Variants in MACROH2A1 observed in about 807,000 individuals in gnomAD.
MACROH2A1 encodes the protein core histone macro-H2A.1.
In MACROH2A1, 2 loss-of-function variants were observed where a neutral mutation model predicts 31.6. The ratio of observed to expected loss-of-function variants is 0.06; its 90% CI spans 0.03 to 0.20. The LOEUF (loss-of-function observed/expected upper bound fraction) is 0.20. Among genes scored for constraint, MACROH2A1 ranks in the 10% least tolerant of loss-of-function variants. The pLI is 1.00. For synonymous variants in MACROH2A1, 169 were observed against 189.6 expected, an observed-to-expected ratio of 0.89 and a Z score of 0.89; for missense variants, 230 against 474.0, an observed-to-expected ratio of 0.49 and a Z score of 4.78.
chr5:135,340,932 C>G (rs552664615), intron 8 of MACROH2A1, among the ~76,000 whole-genome samples: 1 of 152,330 alleles, frequency 6.6e-6, no homozygotes, highest in East Asian at 1.9e-4. Context: ...ATTTCCCCCT[C>G]TTCAAGCTTT....
chr5:135,365,391 G>A (rs1336964024), intron 4 of MACROH2A1, among the ~76,000 whole-genome samples: 1 of 152,102 alleles, frequency 6.6e-6, no homozygotes, highest in East Asian at 1.9e-4. Flanking sequence ...TTACTCTGCT[G>A]GGGCTCTGCT....
chr5:135,372,267 C>T (rs2149857311), intron 2 of MACROH2A1, among the ~76,000 whole-genome samples: 1 of 152,342 alleles, frequency 6.6e-6, no homozygotes, highest in African/African-American at 2.4e-5. Context: ...CCACAGGGTC[C>T]CTTACCTGGG....
At chr5:135,352,665 C>T (rs1445128975) in intron 6 of MACROH2A1, among the ~76,000 whole-genome samples, 1 of 152,152 alleles carries the variant, frequency 6.6e-6, no homozygotes, top group African/African-American at 2.4e-5. Flanking sequence ...AAATCCCTCC[C>T]CAAGTAACCA....
chr5:135,339,214 A>T (rs114989226), intron 8 of MACROH2A1, among the ~76,000 whole-genome samples: 1 of 152,310 alleles, frequency 6.6e-6, no homozygotes, highest in African/African-American at 2.4e-5. Flanking sequence ...CTTTCCCAAG[A>T]GTCCTGGACC....
At chr5:135,342,032 C>A (rs1258848934) in intron 8 of MACROH2A1, among the ~76,000 whole-genome samples, 1 of 152,246 alleles carries the variant, frequency 6.6e-6, no homozygotes, top group African/African-American at 2.4e-5. Flanking sequence ...CAGGTTATGG[C>A]TCCTCTTGGG....
chr5:135,338,116 C>A, intron 8 of MACROH2A1: 1 of 481,068 alleles, frequency 2.1e-6, no homozygotes, highest in Non-Finnish European at 2.9e-6. Context: ...CCTGCAAGAG[C>A]ACTCCACACA....
intron 8 of MACROH2A1, among the ~76,000 whole-genome samples, chr5:135,342,186 C>T (rs192928690): frequency 9.9e-4 from 151 of 152,364 alleles, no homozygotes; most frequent in African/African-American, 3.5e-3. Flanking sequence ...CAGTGGGACA[C>T]AATCTCAGAG....
chr5:135,360,375 ACT>A (rs1762678824), intron 5 of MACROH2A1, 120 bp downstream of exon 5: 1 of 683,260 alleles, frequency 1.5e-6, no homozygotes, highest in South Asian at 1.7e-5. Flanking sequence ...CTCACAGCCC[ACT>A]CTGTCTACCC....
chr5:135,335,432 C>T (rs1170532071), intron 8 of MACROH2A1, among the ~76,000 whole-genome samples: 1 of 149,668 alleles, frequency 6.7e-6, no homozygotes, highest in Non-Finnish European at 1.5e-5. Flanking sequence ...TGCATTAAGC[C>T]CCCGAAGTAC....
chr5:135,339,185 T>C (rs1350745943), intron 8 of MACROH2A1, among the ~76,000 whole-genome samples: 1 of 152,212 alleles, frequency 6.6e-6, no homozygotes, highest in East Asian at 1.9e-4. Flanking sequence ...ACTCCAGTTG[T>C]GTCTGTAATG....
chr5:135,377,641 T>G (rs112709585), intron 2 of MACROH2A1, among the ~76,000 whole-genome samples: 3,859 of 152,308 alleles, frequency 0.025, 185 homozygotes, highest in African/African-American at 0.088. Context: ...ATCAGGGACT[T>G]GGTCAGAGGG....
chr5:135,369,282 G>A lies in MACROH2A1; in HGVS notation c.477+124C>T. 2.5e-6 allele frequency: 2 copies of A among 811,572 alleles called. No individual in the cohort carries two copies. The allele number at this position is 811,572 out of a possible 1,614,324, so 50.3% of individuals were successfully genotyped here. ...TCTGGAGAGTAATCAGCTCCTACAT[G>A]TTCCTCCTTTATTCTCCCATCAGTG... is the stretch of plus-strand genomic sequence containing the variant. On this transcript the variant is annotated intron_variant, in intron 4 of 8. Coordinates refer to ENST00000511689, the MANE Select transcript of MACROH2A1 (RefSeq NM_138610.3). The surrounding 1 kb of genome is among the most constrained non-coding windows in gnomAD (Gnocchi z 4.3).
chr5:135,393,239 A>G lies in MACROH2A1; in HGVS notation c.-33-4113T>C, dbSNP rs180928395. 1.6e-3 allele frequency among the ~76,000 whole-genome samples: 251 copies of G among 152,362 alleles called. 1 individual carries two copies. Among genetic ancestry groups the G allele is most frequent in the Non-Finnish European group, 9.8e-4 (67 of 68,032 alleles). On this transcript the variant is annotated intron_variant, in intron 1 of 8. Coordinates refer to ENST00000511689, the MANE Select transcript of MACROH2A1 (RefSeq NM_138610.3). ...CATGGAAAGAAAAAGACCATGGATA[A>G]TAACCTATGAGGGTTTTAAGGGGCC...
intron 4 of MACROH2A1, among the ~76,000 whole-genome samples, chr5:135,365,913 C>A (rs1038571350): frequency 2.6e-5 from 4 of 152,258 alleles, no homozygotes; most frequent in Admixed American, 6.5e-5. Context: ...CTGTGCCCCC[C>A]ACCCAAATCT....
chr5:135,350,575 C>T (rs1272579508), intron 6 of MACROH2A1: 12 of 443,130 alleles, frequency 2.7e-5, no homozygotes, highest in African/African-American at 7.9e-5. Flanking sequence ...GGTGAAGAAA[C>T]GATTCTGCTG....
intron 5 of MACROH2A1, chr5:135,360,189 AC>A (rs2149800992): frequency 2.7e-6 from 1 of 373,280 alleles, no homozygotes; most frequent in South Asian, 3.0e-5. Context: ...CTATCTGATG[AC>A]CAGTTTATCC....
At chr5:135,363,379 G>A (rs914713624) in intron 4 of MACROH2A1, among the ~76,000 whole-genome samples, 6 of 152,156 alleles carry the variant, frequency 3.9e-5, no homozygotes, top group Non-Finnish European at 5.9e-5. Flanking sequence ...GGGACAACAG[G>A]GCAGGTGCTT....
At chr5:135,359,913 C>A in intron 5 of MACROH2A1, 1 of 985,146 alleles carries the variant, frequency 1.0e-6, no homozygotes, top group Non-Finnish European at 1.2e-6. Flanking sequence ...AAAACCATGG[C>A]GTCCTGGCAA....
At position 135,363,341 on chromosome 5, in the gene MACROH2A1, C is replaced by T. The variant is rs73292694; in HGVS notation, c.478-2734G>A. On this transcript the variant is annotated intron_variant, in intron 4 of 8. Transcript: ENST00000511689. ...CTGCCCACTTGGCAAAAAACTTCTG[C>T]CTTTTCCCTTCAAGGTACCCACCCA... Among the ~76,000 whole-genome samples the T allele has an allele frequency of 5.4e-3, 826 of 152,336 alleles. 8 individuals carry two copies. The highest frequency in any genetic ancestry group is 0.018 in the African/African-American group (762 of 41,566).
Sources: allele counts gnomAD v4.1 joint callset (sites outside exome capture counted in the v4.1 genomes callset), GRCh38; gene constraint gnomAD v4.1.1; non-coding constraint Gnocchi (gnomAD v3.1); transcripts MANE v1.5; gene names NCBI Gene and HGNC (gene_info 2026-07-23, HGNC 2026-07-21).